ANTXR1: variants seen among roughly 807,000 people sequenced by gnomAD.
The protein encoded by ANTXR1 is anthrax toxin receptor 1.
In ANTXR1, 19 loss-of-function variants were observed where a neutral mutation model predicts 78.1. The observed-to-expected ratio is 0.24, with a 90% CI of 0.17 to 0.36. The LOEUF (loss-of-function observed/expected upper bound fraction) is 0.36, where lower values mean the gene tolerates loss of function less well. Ranked by LOEUF, ANTXR1 falls within the 10% of genes least tolerant of loss-of-function variation. ANTXR1 has a pLI of 1.00. For missense variants in ANTXR1, 518 were observed against 718.6 expected, an observed-to-expected ratio of 0.72 and a Z score of 3.19; for synonymous variants, 273 against 260.5, an observed-to-expected ratio of 1.05 and a Z score of -0.46.
intron 17 of ANTXR1, among the ~76,000 whole-genome samples, chr2:69,212,527 C>T (rs1302156651): frequency 6.6e-6 from 1 of 152,192 alleles, no homozygotes; most frequent in Admixed American, 6.5e-5. Flanking sequence ...CAGACTGTGA[C>T]CCCTTAACCT....
intron 9 of ANTXR1, among the ~76,000 whole-genome samples, chr2:69,091,413 TCCAG>T (rs1305898344): frequency 3.4e-5 from 4 of 119,048 alleles, no homozygotes; most frequent in African/African-American, 1.3e-4. Context: ...ACCACTGCAC[TCCAG>T]CCTGGGTGAC....
chr2:69,225,134 C>T lies in ANTXR1; in HGVS notation c.1435-20091C>T, dbSNP rs1347900623. Among the ~76,000 whole-genome samples, 8 of 152,296 alleles carry T rather than the reference C, an allele frequency of 5.3e-5. No individual in the cohort carries two copies. In the South Asian group the frequency reaches 1.2e-3, roughly 24 times the overall value. On this transcript the variant is annotated intron_variant, in intron 17 of 17. Transcript: ENST00000303714. Reference sequence around the variant, plus strand: ...TTGACATTCCTATGTCCCTTTATCCCGATCACCACCACTCAAATTTCACAG... The same window carrying T: ...TTGACATTCCTATGTCCCTTTATCCTGATCACCACCACTCAAATTTCACAG...
At chr2:69,177,874 A>T (rs940646519) in intron 14 of ANTXR1, among the ~76,000 whole-genome samples, 1 of 151,768 alleles carries the variant, frequency 6.6e-6, no homozygotes, top group East Asian at 1.9e-4. Context: ...GCTCTGCCCC[A>T]CTCTGTTCTG....
chr2:69,240,424 G>T (rs1350646061), intron 17 of ANTXR1, among the ~76,000 whole-genome samples: 1 of 152,236 alleles, frequency 6.6e-6, no homozygotes, highest in Non-Finnish European at 1.5e-5. Flanking sequence ...TGGACATCTT[G>T]CAAGAAAAGA....
rs143560800 is a variant in ANTXR1 at position 69,080,695 on chromosome 2, T to C, written c.642+3207T>C. On this transcript the variant is annotated intron_variant, in intron 8 of 17. Transcript: ENST00000303714. Reference sequence around the variant, plus strand: ...TAATCATGTGGAATTAAAATTGTGATAACAGGAATAAAAGAAATAACATGG... The same window carrying C: ...TAATCATGTGGAATTAAAATTGTGACAACAGGAATAAAAGAAATAACATGG... Among the ~76,000 whole-genome samples, 14 of 152,150 alleles carry C rather than the reference T, an allele frequency of 9.2e-5. No homozygotes were observed. The East Asian group carries it at 2.3e-3, about 25-fold the overall frequency.
intron 1 of ANTXR1, among the ~76,000 whole-genome samples, chr2:69,023,157 T>G (rs1344047225): frequency 6.6e-6 from 1 of 152,242 alleles, no homozygotes. Flanking sequence ...CGAACTTCAG[T>G]ATTGTTAATA....
At chr2:69,159,105 T>A (rs927178278) in intron 13 of ANTXR1, among the ~76,000 whole-genome samples, 2 of 152,222 alleles carry the variant, frequency 1.3e-5, no homozygotes, top group Non-Finnish European at 2.9e-5. Flanking sequence ...TATTATCCTA[T>A]TTCATGACTT....
In ANTXR1 at chr2:69,040,920, T is replaced by C. The variant is rs569368237; in HGVS notation, c.224+805T>C. On this transcript the variant is annotated intron_variant, in intron 2 of 17. Transcript: ENST00000303714. Reference sequence around the variant, plus strand: ...ATAGGAGTGACCATAAAGTTCTTCTTTGAGTAAGGTTCTCTGTCTCAGAAT... The same window carrying C: ...ATAGGAGTGACCATAAAGTTCTTCTCTGAGTAAGGTTCTCTGTCTCAGAAT... Among the ~76,000 whole-genome samples the C allele has an allele frequency of 9.8e-5, 15 of 152,304 alleles. No individual in the cohort carries two copies. The East Asian group carries it at 1.9e-3, about 20-fold the overall frequency.
chr2:69,065,813 C>T (rs949061211), intron 3 of ANTXR1, among the ~76,000 whole-genome samples: 3 of 152,180 alleles, frequency 2.0e-5, no homozygotes, highest in African/African-American at 7.2e-5. Flanking sequence ...TTTAATTAAT[C>T]TGTGTTCTTC....
intron 3 of ANTXR1, among the ~76,000 whole-genome samples, chr2:69,052,448 G>C (rs758368003): frequency 4.6e-5 from 7 of 151,882 alleles, no homozygotes; most frequent in African/African-American, 9.7e-5. Context: ...TAAAGACATA[G>C]TCAACTTGCA....
chr2:69,015,347 A>ATATTAAAATG (rs1349251241), intron 1 of ANTXR1, among the ~76,000 whole-genome samples: 1 of 152,012 alleles, frequency 6.6e-6, no homozygotes, highest in Non-Finnish European at 1.5e-5. Context: ...CTCTCTCCAA[A>ATATTAAAATG]TATTAAAATG....
intron 8 of ANTXR1, among the ~76,000 whole-genome samples, chr2:69,081,380 C>T (rs1670898015): frequency 6.6e-6 from 1 of 152,236 alleles, no homozygotes; most frequent in Non-Finnish European, 1.5e-5. Flanking sequence ...TCTGCTTCCT[C>T]AATCTGATGC....
chr2:69,225,483 TTTTTA>T (rs1382073999), intron 17 of ANTXR1, among the ~76,000 whole-genome samples: 2 of 152,150 alleles, frequency 1.3e-5, no homozygotes, highest in Non-Finnish European at 2.9e-5. Flanking sequence ...AAAAATTTAT[TTTTTA>T]TTTTATTAAA....
chr2:69,174,073 A>G (rs1389585088), intron 14 of ANTXR1, among the ~76,000 whole-genome samples: 1 of 152,182 alleles, frequency 6.6e-6, no homozygotes, highest in African/African-American at 2.4e-5. Flanking sequence ...TCAACTAAAT[A>G]TTATGTCAGA....
intron 13 of ANTXR1, among the ~76,000 whole-genome samples, chr2:69,153,421 T>C (rs1230425855): frequency 1.3e-5 from 2 of 151,778 alleles, no homozygotes; most frequent in African/African-American, 2.4e-5. Flanking sequence ...ATGTGGACCA[T>C]ATGGCAGGGA....
Position 69,101,492 on chromosome 2 carries a change from G to T in ANTXR1, c.704-1350G>T, listed in dbSNP as rs180695405. ...CTGTACCTCCCCAGGCTGTGGTGAG[G>T]TTTAAATGACATCAGACATGTACAA... On this transcript the variant is annotated intron_variant, in intron 9 of 17. Coordinates refer to ENST00000303714, the MANE Select transcript of ANTXR1 (RefSeq NM_032208.3). Among the ~76,000 whole-genome samples, 121 of 152,306 alleles carry T rather than the reference G, an allele frequency of 7.9e-4. 1 individual carries two copies. The East Asian group carries it at 0.021, about 26-fold the overall frequency.
At chr2:69,108,640 C>A (rs1253970849) in intron 10 of ANTXR1, among the ~76,000 whole-genome samples, 1 of 152,126 alleles carries the variant, frequency 6.6e-6, no homozygotes, top group Non-Finnish European at 1.5e-5. Flanking sequence ...CTCTAGTAGG[C>A]CCCAGTGTGT....
chr2:69,176,671 G>C (rs956004629), intron 14 of ANTXR1, among the ~76,000 whole-genome samples: 5 of 152,222 alleles, frequency 3.3e-5, no homozygotes, highest in Non-Finnish European at 5.9e-5. Context: ...CTCAATGATA[G>C]TTGCTTGAGT....
chr2:69,206,564 G>A (rs1019508649), intron 17 of ANTXR1, among the ~76,000 whole-genome samples: 3 of 152,226 alleles, frequency 2.0e-5, no homozygotes, highest in East Asian at 1.9e-4. Context: ...GGAGAGCAAT[G>A]GAAAGATGAG....
Sources: allele counts gnomAD v4.1 joint callset (sites outside exome capture counted in the v4.1 genomes callset), GRCh38; gene constraint gnomAD v4.1.1; transcripts MANE v1.5; gene names NCBI Gene and HGNC (gene_info 2026-07-23, HGNC 2026-07-21).